The following RAPGEF2 variants were observed in gnomAD, a reference collection of about 807,000 sequenced individuals.
The protein encoded by RAPGEF2 is Rap guanine nucleotide exchange factor 2.
In RAPGEF2, 54 loss-of-function variants were observed where a neutral mutation model predicts 186.7. That is an observed-to-expected ratio of 0.29 (90% CI 0.23 to 0.36). RAPGEF2 has a LOEUF of 0.36. Ranked by LOEUF, RAPGEF2 falls within the 10% of genes least tolerant of loss-of-function variation. The pLI is 1.00. For missense variants in RAPGEF2, 1,532 were observed against 2,045.0 expected (o/e 0.75, Z 4.84); for synonymous variants, 712 against 705.9 (o/e 1.01, Z -0.14).
chr4:159,264,727 T>A (rs944539242), intron 7 of RAPGEF2, among the ~76,000 whole-genome samples: 4 of 152,194 alleles, frequency 2.6e-5, no homozygotes, highest in Admixed American at 1.3e-4. Context: ...GTTAAAACTC[T>A]GTGCCATCAA....
chr4:159,168,878 C>T (rs1745604769), intron 1 of RAPGEF2, among the ~76,000 whole-genome samples: 1 of 152,196 alleles, frequency 6.6e-6, no homozygotes, highest in Non-Finnish European at 1.5e-5. Context: ...GTTTTGATAT[C>T]AGCTGGCAGC....
chr4:159,121,824 T>C (rs1238839335), intron 1 of RAPGEF2, among the ~76,000 whole-genome samples: 1 of 149,262 alleles, frequency 6.7e-6, no homozygotes, highest in African/African-American at 2.5e-5. Context: ...AGGTCAGGAG[T>C]TCGAGACCAC....
At chr4:159,120,216 C>T (rs1299256033) in intron 1 of RAPGEF2, among the ~76,000 whole-genome samples, 3 of 152,152 alleles carry the variant, frequency 2.0e-5, no homozygotes, top group African/African-American at 4.8e-5. Context: ...GACAGGGTTT[C>T]GCCATGTTGG....
At chr4:159,277,957 C>T (rs1759148271) in intron 7 of RAPGEF2, among the ~76,000 whole-genome samples, 1 of 152,120 alleles carries the variant, frequency 6.6e-6, no homozygotes, top group Admixed American at 6.5e-5. Flanking sequence ...AATTAGATCC[C>T]ATTTGTCAAT....
Position 159,341,801 on chromosome 4 carries a change from C to A in RAPGEF2, c.2772C>A (p.Val924=). 1 of 1,613,870 alleles carries A rather than the reference C, an allele frequency of 6.2e-7. No individual in the cohort carries two copies. Among genetic ancestry groups the A allele is most frequent in the South Asian group, 1.1e-5 (1 of 91,044 alleles). The change falls in exon 20 of 30, where the codon GTC becomes GTA. Residue 924 remains valine, a synonymous_variant. Coordinates refer to ENST00000691494, the MANE Select transcript of RAPGEF2 (RefSeq NM_001394067.2). ...SCANLKRFEE[V]INQETFWVAS... is the part of the protein sequence containing the mutation. The stretch of plus-strand genomic sequence containing the variant: ...CCAACCTGAAGAGATTTGAAGAAGT[C>A]ATTAACCAGGAAACATTTTGGGTAG...
intron 1 of RAPGEF2, among the ~76,000 whole-genome samples, chr4:159,117,175 C>G (rs1265924823): frequency 6.6e-6 from 1 of 152,016 alleles, no homozygotes. Context: ...TCATAAAATG[C>G]CAAGAGTTGA....
intron 17 of RAPGEF2, 51 bp from the exon 18 acceptor site, chr4:159,338,260 T>C (rs1310076080): frequency 6.5e-7 from 1 of 1,530,868 alleles, no homozygotes; most frequent in African/African-American, 1.4e-5. Context: ...ATAGTGATGA[T>C]GTACAACTTT....
At chr4:159,325,963 T>C (rs964787011) in intron 11 of RAPGEF2, among the ~76,000 whole-genome samples, 1 of 152,118 alleles carries the variant, frequency 6.6e-6, no homozygotes, top group African/African-American at 2.4e-5. Flanking sequence ...TAGCTCCTAG[T>C]GTGAAGTTAA....
rs558646752 is a variant in RAPGEF2 at position 159,354,577 on chromosome 4, G to A, written c.4651+531G>A. ...GGTGCTAATAGTGTAATGACTAAGA[G>A]CACGGGTTTAGGAGTCAGGCGGACT... is the stretch of plus-strand genomic sequence containing the variant. On this transcript the variant is annotated intron_variant, in intron 28 of 29. Coordinates refer to ENST00000691494, the MANE Select transcript of RAPGEF2 (RefSeq NM_001394067.2). Among the ~76,000 whole-genome samples the A allele has an allele frequency of 1.4e-4, 22 of 152,332 alleles. No individual in the cohort carries two copies. In the South Asian group the frequency reaches 4.6e-3, roughly 32 times the overall value.
At chr4:159,302,440 T>C (rs148870659) in intron 7 of RAPGEF2, among the ~76,000 whole-genome samples, 250 of 152,358 alleles carry the variant, frequency 1.6e-3, no homozygotes, top group South Asian at 3.7e-3. Context: ...CATGTATTGA[T>C]TGATGCCTTT....
At chr4:159,198,323 T>G (rs1749006097) in intron 3 of RAPGEF2, among the ~76,000 whole-genome samples, 1 of 77,042 alleles carries the variant, frequency 1.3e-5, no homozygotes, top group Non-Finnish European at 2.3e-5. Flanking sequence ...TCTTTCTTTC[T>G]TTCTTTCTTT....
chr4:159,213,964 A>G (rs567576977), intron 4 of RAPGEF2, among the ~76,000 whole-genome samples: 1 of 152,336 alleles, frequency 6.6e-6, no homozygotes, highest in South Asian at 2.1e-4. Flanking sequence ...TGTTACATAT[A>G]TTGTTGCCTT....
At chr4:159,215,288 T>TCAGCCTCCC (rs1554011283) in intron 4 of RAPGEF2, among the ~76,000 whole-genome samples, 1 of 152,142 alleles carries the variant, frequency 6.6e-6, no homozygotes, top group Non-Finnish European at 1.5e-5. Flanking sequence ...TCCTGTCTCC[T>TCAGCCTCCC]CAGCCTCCCA....
Position 159,332,501 on chromosome 4 carries a change from C to T in RAPGEF2, c.1939C>T (p.Pro647Ser), listed in dbSNP as rs866720045. Residue 647 changes from proline (P) to serine (S), a missense_variant, in exon 17 of 30, where the codon CCC becomes TCC. Around this residue, in one of 4 missense-constraint regions of RAPGEF2, gnomAD observed 810 missense variants for 1,210.5 expected, o/e 0.67. Transcript: ENST00000691494. Reference sequence around the variant, plus strand: ...GTCAGAAGAGAAAAGAAATGGTGCCCCCCACCTTCCTAAAATTGGTGACAT... The same window carrying T: ...GTCAGAAGAGAAAAGAAATGGTGCCTCCCACCTTCCTAAAATTGGTGACAT... Reference protein sequence around the residue: ...RLSEEKRNGAPHLPKIGDIKK... With the variant: ...RLSEEKRNGASHLPKIGDIKK... 1 of 1,613,856 alleles carries T rather than the reference C, an allele frequency of 6.2e-7. No individual in the cohort carries two copies. The highest frequency in any genetic ancestry group is 2.2e-5 in the East Asian group (1 of 44,866).
chr4:159,272,653 T>C (rs1290192934), intron 7 of RAPGEF2, among the ~76,000 whole-genome samples: 2 of 152,212 alleles, frequency 1.3e-5, no homozygotes, highest in Non-Finnish European at 1.5e-5. Flanking sequence ...TATCAGCTGT[T>C]AAGAGTACAG....
intron 8 of RAPGEF2, among the ~76,000 whole-genome samples, chr4:159,306,728 A>G (rs1242335946): frequency 1.3e-5 from 2 of 152,158 alleles, no homozygotes; most frequent in Non-Finnish European, 2.9e-5. Flanking sequence ...AATGCTTTCA[A>G]CTTTTCCCTG....
At chr4:159,208,258 TTA>T (rs1204867208) in intron 3 of RAPGEF2, among the ~76,000 whole-genome samples, 1 of 152,222 alleles carries the variant, frequency 6.6e-6, no homozygotes, top group African/African-American at 2.4e-5. Context: ...TAAATAGAAT[TTA>T]GTGTCTTCTA....
chr4:159,194,557 A>G (rs142011721), intron 3 of RAPGEF2, among the ~76,000 whole-genome samples: 1 of 152,216 alleles, frequency 6.6e-6, no homozygotes, highest in Non-Finnish European at 1.5e-5. Context: ...CAGACAGCAC[A>G]GTTCATCCAT....
rs1192605198 is a variant in RAPGEF2 at position 159,355,934 on chromosome 4, G to A, written c.4733G>A (p.Gly1578Glu). ...ATTCCCATTACTGACTTTCCAGAAG[G>A]GCACTCCCATCCAGCCAGGAAACCG... ...IGIPITDFPEGHSHPARKPPD... is the reference protein window; with the variant it reads ...IGIPITDFPEEHSHPARKPPD... The change falls in exon 29 of 30, where the codon GGG becomes GAG. Residue 1578 changes from glycine to glutamate, a missense_variant. Coordinates refer to ENST00000691494, the MANE Select transcript of RAPGEF2 (RefSeq NM_001394067.2). 3 of 1,432,646 alleles carry A rather than the reference G, an allele frequency of 2.1e-6. No homozygotes were observed. Among genetic ancestry groups the A allele is most frequent in the Non-Finnish European group, 2.8e-6 (3 of 1,068,366 alleles). The allele number at this position is 1,432,646 out of a possible 1,614,324, so 88.7% of individuals were successfully genotyped here.
Sources: allele counts gnomAD v4.1 joint callset (sites outside exome capture counted in the v4.1 genomes callset), GRCh38; gene constraint gnomAD v4.1.1; regional missense constraint gnomAD v4.1.1; transcripts MANE v1.5; gene names NCBI Gene and HGNC (gene_info 2026-07-23, HGNC 2026-07-21).